The following UGT2A3 variants were observed in gnomAD, a reference collection of about 807,000 sequenced individuals.
The protein encoded by UGT2A3 is UDP glucuronosyltransferase family 2 member A3.
Under a neutral mutation model 44.1 loss-of-function variants are expected in UGT2A3, and 55 were observed. The ratio of observed to expected loss-of-function variants is 1.25; its 90% CI spans 1.00 to 1.56. The LOEUF (loss-of-function observed/expected upper bound fraction) is 1.56, where lower values mean the gene tolerates loss of function less well. Among genes scored for constraint, UGT2A3 ranks in the 40% most tolerant of loss-of-function variants. The pLI is 0.00. For synonymous variants in UGT2A3, 243 were observed against 215.1 expected (o/e 1.13, Z -1.13); for missense variants, 733 against 621.6 (o/e 1.18, Z -1.91).
intron 2 of UGT2A3, among the ~76,000 whole-genome samples, chr4:68,938,681 C>G (rs1360125744): frequency 6.6e-6 from 1 of 152,016 alleles, no homozygotes; most frequent in Non-Finnish European, 1.5e-5. Flanking sequence ...CTATTCAACA[C>G]AGCATTGGAA....
intron 2 of UGT2A3, chr4:68,943,282 C>G: frequency 8.0e-7 from 1 of 1,253,352 alleles, no homozygotes; most frequent in Admixed American, 2.7e-5. Flanking sequence ...GGGAGATTAC[C>G]TAGAGAATGA....
At chr4:68,940,773 A>G (rs1328357611) in intron 2 of UGT2A3, among the ~76,000 whole-genome samples, 1 of 147,522 alleles carries the variant, frequency 6.8e-6, no homozygotes, top group Non-Finnish European at 1.5e-5. Flanking sequence ...ACATATATAC[A>G]TATATATAAT....
At chr4:68,940,890 A>C (rs1461347089) in intron 2 of UGT2A3, among the ~76,000 whole-genome samples, 1 of 151,430 alleles carries the variant, frequency 6.6e-6, no homozygotes, top group Non-Finnish European at 1.5e-5. Context: ...AGATCCACAA[A>C]ATAAATTTAT....
chr4:68,930,476 T>C (rs150761607), intron 5 of UGT2A3, 70 bp downstream of exon 5: 52 of 1,368,998 alleles, frequency 3.8e-5, no homozygotes, highest in Middle Eastern at 3.8e-4. Flanking sequence ...CAGGATGATA[T>C]TTAACATTTT....
rs150332804 is a variant in UGT2A3, at chr4:68,933,471, T to C, written c.865-712A>G. Among the ~76,000 whole-genome samples the C allele has an allele frequency of 3.2e-3, 489 of 152,136 alleles. 4 individuals are homozygous for C. Among genetic ancestry groups the C allele is most frequent in the African/African-American group, 0.011 (460 of 41,554 alleles). On this transcript the variant is annotated intron_variant, in intron 2 of 5. Transcript: ENST00000251566. ...GAGGTATTAGGAGTGTCAGAAGGGC[T>C]GAACCACCTGAGTTGAATTGGAAGC...
At chr4:68,944,179 G>A (rs889256638) in intron 2 of UGT2A3, among the ~76,000 whole-genome samples, 4 of 151,794 alleles carry the variant, frequency 2.6e-5, no homozygotes, top group Admixed American at 6.6e-5. Flanking sequence ...CCTTGTCAGG[G>A]TTTCCTATAA....
At chr4:68,947,491 C>T (rs1233645827) in intron 1 of UGT2A3, among the ~76,000 whole-genome samples, 1 of 151,796 alleles carries the variant, frequency 6.6e-6, no homozygotes, top group Non-Finnish European at 1.5e-5. Context: ...TTCAATCCCT[C>T]AAAATCATCC....
chr4:68,931,328 T>G lies in UGT2A3; in HGVS notation c.997-86A>C, dbSNP rs1260059533. On this transcript the variant is annotated intron_variant, in intron 3 of 5. Coordinates refer to ENST00000251566, the MANE Select transcript of UGT2A3 (RefSeq NM_024743.4). ...GTAGATATAGTTATAAATTATAAAC[T>G]CATTGTACTTCAGGTGATGGTTGAG... 30 of 1,062,782 alleles carry G rather than the reference T, an allele frequency of 2.8e-5. No homozygotes were observed. In the South Asian group the frequency reaches 3.5e-4, roughly 12 times the overall value. 65.8% of individuals were successfully genotyped at this position (1,062,782 alleles called of 1,614,324 possible).
intron 2 of UGT2A3, among the ~76,000 whole-genome samples, chr4:68,939,418 T>C (rs1017400362): frequency 6.6e-6 from 1 of 152,154 alleles, no homozygotes; most frequent in African/African-American, 2.4e-5. Flanking sequence ...ATGTGATCTT[T>C]GACAAATCTG....
At chr4:68,939,169 G>A (rs1219429311) in intron 2 of UGT2A3, among the ~76,000 whole-genome samples, 3 of 152,104 alleles carry the variant, frequency 2.0e-5, no homozygotes, top group African/African-American at 7.2e-5. Context: ...AGCTACCGAT[G>A]GCTTTCTTCA....
intron 2 of UGT2A3, among the ~76,000 whole-genome samples, chr4:68,942,887 T>C (rs1041420243): frequency 5.9e-5 from 9 of 151,610 alleles, no homozygotes; most frequent in Non-Finnish European, 1.2e-4. Context: ...TATTTCAAGA[T>C]AGCCAGAAAG....
intron 2 of UGT2A3, among the ~76,000 whole-genome samples, chr4:68,939,122 T>G (rs1577850561): frequency 6.6e-6 from 1 of 152,042 alleles, no homozygotes. Flanking sequence ...GGACATACTG[T>G]CCAAGGTAAT....
chr4:68,951,426 T>G lies in UGT2A3; in HGVS notation c.335A>C (p.Asp112Ala), dbSNP rs1397104643. ...STWQSVIKLN[D>A]FFVEIRGTLK... ...AGTTCCTCTTATTTCAACAAAAAAATCATTTAATTTTATAACTGATTGCCA... is the reference window on the plus strand; with the variant it reads ...AGTTCCTCTTATTTCAACAAAAAAAGCATTTAATTTTATAACTGATTGCCA... Residue 112 changes from aspartate to alanine, a missense_variant, in exon 1 of 6, where the codon GAT (aspartate) becomes GCT (alanine). By Grantham distance (126) the Asp-to-Ala change is moderately radical. Coordinates refer to ENST00000251566, the MANE Select transcript of UGT2A3 (RefSeq NM_024743.4). 1 of 1,611,464 alleles carries G rather than the reference T, an allele frequency of 6.2e-7. No homozygotes were observed. The highest frequency in any genetic ancestry group is 8.5e-7 in the Non-Finnish European group (1 of 1,178,890).
intron 1 of UGT2A3, among the ~76,000 whole-genome samples, chr4:68,949,826 A>G (rs1312540893): frequency 1.3e-5 from 2 of 151,830 alleles, no homozygotes; most frequent in Non-Finnish European, 2.9e-5. Context: ...ATATATAATA[A>G]TCAATAATTT....
chr4:68,945,736 G>C (rs1381559604), intron 1 of UGT2A3, among the ~76,000 whole-genome samples: 2 of 15,038 alleles, frequency 1.3e-4, no homozygotes, highest in African/African-American at 2.0e-4. Context: ...AGGAAGGAAA[G>C]AAGGAAGGAA....
intron 2 of UGT2A3, among the ~76,000 whole-genome samples, chr4:68,942,504 G>GATAGAT (rs1553902065): frequency 1.5e-5 from 2 of 131,024 alleles, no homozygotes; most frequent in Admixed American, 1.7e-4. Flanking sequence ...TTCCACTGGA[G>GATAGAT]ATATATATAT....
At chr4:68,939,162 T>C (rs1258743644) in intron 2 of UGT2A3, among the ~76,000 whole-genome samples, 1 of 152,160 alleles carries the variant, frequency 6.6e-6, no homozygotes, top group Non-Finnish European at 1.5e-5. Flanking sequence ...CCCATCAAGC[T>C]ACCGATGGCT....
chr4:68,945,203 G>T (rs1718338629), intron 2 of UGT2A3, 103 bp downstream of exon 2: 3 of 1,363,428 alleles, frequency 2.2e-6, no homozygotes, highest in African/African-American at 1.5e-5. Context: ...GCTGCAAACA[G>T]AAGACATTCA....
At chr4:68,935,276 G>GTGTATATA (rs1474937828) in intron 2 of UGT2A3, among the ~76,000 whole-genome samples, 9 of 60,118 alleles carry the variant, frequency 1.5e-4, no homozygotes, top group Non-Finnish European at 2.4e-4. Context: ...ATGTATGTAT[G>GTGTATATA]TATATATATA....
Sources: allele counts gnomAD v4.1 joint callset (sites outside exome capture counted in the v4.1 genomes callset), GRCh38; gene constraint gnomAD v4.1.1; transcripts MANE v1.5; gene names NCBI Gene and HGNC (gene_info 2026-07-23, HGNC 2026-07-21).